GCSH: variants seen among roughly 807,000 people sequenced by gnomAD.
GCSH encodes the protein glycine cleavage system H protein, mitochondrial.
In GCSH, 15 loss-of-function variants were observed where a neutral mutation model predicts 21.3. The observed-to-expected ratio is 0.70, with a 90% CI of 0.47 to 1.08. The LOEUF is 1.08. Among genes scored for constraint, GCSH ranks in the 50% least tolerant of loss-of-function variants. GCSH has a pLI of 0.00. For missense variants in GCSH, 179 were observed against 217.5 expected, an observed-to-expected ratio of 0.82 and a Z score of 1.11; for synonymous variants, 59 against 84.5, an observed-to-expected ratio of 0.70 and a Z score of 1.66.
chr16:81,094,844 C>CT (rs1259938469), intron 1 of GCSH, among the ~76,000 whole-genome samples: 2 of 152,192 alleles, frequency 1.3e-5, no homozygotes, highest in African/African-American at 4.8e-5. Context: ...CGACTGTAAT[C>CT]TCAGCACTTT....
At chr16:81,091,142 T>A (rs1161031122) in intron 1 of GCSH, 1 of 448,856 alleles carries the variant, frequency 2.2e-6, no homozygotes, top group South Asian at 1.6e-5. Flanking sequence ...ATCAGGTGCC[T>A]CTTTAGGCAG....
chr16:81,088,173 C>T (rs1033913221), intron 2 of GCSH, among the ~76,000 whole-genome samples: 1 of 152,108 alleles, frequency 6.6e-6, no homozygotes, highest in African/African-American at 2.4e-5. Flanking sequence ...CCTGTAATCC[C>T]AGCTCTTAGG....
At chr16:81,087,332 C>T (rs148222869) in intron 3 of GCSH, among the ~76,000 whole-genome samples, 1 of 152,204 alleles carries the variant, frequency 6.6e-6, no homozygotes, top group Non-Finnish European at 1.5e-5. Flanking sequence ...TCGAGACCAG[C>T]CTTGCCAACA....
intron 1 of GCSH, among the ~76,000 whole-genome samples, chr16:81,095,734 G>A (rs1041578611): frequency 9.9e-5 from 15 of 152,154 alleles, no homozygotes; most frequent in African/African-American, 3.6e-4. Flanking sequence ...GTAAACTAAA[G>A]GCCTCCCCAT....
intron 3 of GCSH, among the ~76,000 whole-genome samples, 200 bp downstream of exon 3, chr16:81,087,401 G>C (rs1369249438): frequency 6.6e-6 from 1 of 151,570 alleles, no homozygotes; most frequent in African/African-American, 2.4e-5. Flanking sequence ...ACGTGCCTGA[G>C]ACACAAGAAT....
At chr16:81,085,090 C>T (rs1373369159) in intron 3 of GCSH, among the ~76,000 whole-genome samples, 1 of 142,628 alleles carries the variant, frequency 7.0e-6, no homozygotes, top group Non-Finnish European at 1.5e-5. Flanking sequence ...TCTAGGCTCA[C>T]TGCCACCTCT....
At chr16:81,088,530 C>G (rs1281186395) in intron 2 of GCSH, among the ~76,000 whole-genome samples, 2 of 152,152 alleles carry the variant, frequency 1.3e-5, no homozygotes, top group Non-Finnish European at 2.9e-5. Flanking sequence ...TCCCAAGTAG[C>G]TGGGATTACA....
At chr16:81,096,029 T>TGGCTCAGGAGCGGTGCCCCGGC in intron 1 of GCSH, 102 bp downstream of exon 1, 1 of 1,001,592 alleles carries the variant, frequency 1.0e-6, no homozygotes, top group Non-Finnish European at 1.3e-6. Context: ...TCCGCCCCGG[T>TGGCTCAGGAGCGGTGCCCCGGC]GGCTCAGGAG....
intron 3 of GCSH, among the ~76,000 whole-genome samples, chr16:81,085,438 T>C (rs1972253570): frequency 6.6e-6 from 1 of 152,136 alleles, no homozygotes. Context: ...TAACAAATGG[T>C]GATGTGCCTG....
At chr16:81,091,878 C>A (rs8177862) in intron 1 of GCSH, among the ~76,000 whole-genome samples, 4,303 of 152,198 alleles carry the variant, frequency 0.028, 122 homozygotes, top group African/African-American at 0.069. Context: ...CTCAACCTCT[C>A]ACAGTGCTGG....
At chr16:81,092,375 TA>T (rs1972414214) in intron 1 of GCSH, among the ~76,000 whole-genome samples, 1 of 152,108 alleles carries the variant, frequency 6.6e-6, no homozygotes, top group Non-Finnish European at 1.5e-5. Flanking sequence ...TTCCCAATTT[TA>T]AATACAGTGC....
rs1972511529 is a variant in GCSH at position 81,096,330 on chromosome 16, G to A, written c.-52C>T. 8 of 1,332,728 alleles carry A rather than the reference G, an allele frequency of 6.0e-6. No homozygotes were observed. Among genetic ancestry groups the A allele is most frequent in the Admixed American group, 8.0e-5 (2 of 24,912 alleles). The allele number at this position is 1,332,728 out of a possible 1,614,324, so 82.6% of individuals were successfully genotyped here. A position where few individuals can be genotyped will look rare whatever the true frequency, so the allele number is the denominator to read the frequency against. Reference sequence around the variant, plus strand: ...GCTACGCCTCGGCCACCCGCGCCGGGAGGCGGGGCGGGGAGGGGCAGTTCG... The same window carrying A: ...GCTACGCCTCGGCCACCCGCGCCGGAAGGCGGGGCGGGGAGGGGCAGTTCG... On this transcript the variant is annotated 5_prime_UTR_variant, in exon 1 of 5. Coordinates refer to ENST00000315467, the MANE Select transcript of GCSH (RefSeq NM_004483.5).
rs757824289 is a variant in GCSH, at chr16:81,082,959, C to G, written c.429G>C (p.Trp143Cys). 2 of 1,578,660 alleles carry G rather than the reference C, an allele frequency of 1.3e-6. No individual in the cohort carries two copies. Among genetic ancestry groups the G allele is most frequent in the South Asian group, 2.2e-5 (2 of 90,366 alleles). ...GGTTACTCAGTGTCATCTTGATCAGCCAACCTGCAACCAAAAGACAACCTT... is the reference window on the plus strand; with the variant it reads ...GGTTACTCAGTGTCATCTTGATCAGGCAACCTGCAACCAAAAGACAACCTT... Reference protein sequence around the residue: ...LVNKSCYEDGWLIKMTLSNPS... With the variant: ...LVNKSCYEDGCLIKMTLSNPS... The change falls in exon 5 of 5, where the codon TGG becomes TGC. Residue 143 changes from tryptophan to cysteine, a missense_variant. Transcript: ENST00000315467.
At chr16:81,083,310 G>C (rs1972207653) in intron 4 of GCSH, 3 of 317,768 alleles carry the variant, frequency 9.4e-6, no homozygotes, top group African/African-American at 2.2e-5. Context: ...TTGAGGCTAG[G>C]AGCTCTAGAC....
At chr16:81,084,723 T>G (rs1254905148) in intron 3 of GCSH, 129 bp from the exon 4 acceptor site, 2 of 742,598 alleles carry the variant, frequency 2.7e-6, no homozygotes, top group Admixed American at 5.3e-5. Flanking sequence ...TTTTTTTTTT[T>G]TTTTGAGATG....
intron 1 of GCSH, among the ~76,000 whole-genome samples, chr16:81,095,714 G>A (rs1972491758): frequency 6.6e-6 from 1 of 151,952 alleles, no homozygotes; most frequent in Non-Finnish European, 1.5e-5. Context: ...TCTCAGTAAC[G>A]GTCCATTTAG....
intron 1 of GCSH, among the ~76,000 whole-genome samples, chr16:81,092,750 AC>A (rs1430676049): frequency 0.028 from 4,297 of 151,530 alleles, 177 homozygotes; most frequent in African/African-American, 0.093. Flanking sequence ...CTCAAAAAAA[AC>A]AAACAAAAAA....
chr16:81,087,583 G>C lies in GCSH; in HGVS notation c.292+18C>G. 3.9e-6 allele frequency: 6 copies of C among 1,538,768 alleles called. No homozygotes were observed. Among genetic ancestry groups the C allele is most frequent in the Non-Finnish European group, 4.5e-6 (5 of 1,113,196 alleles). Reference sequence around the variant, plus strand: ...AAATTCATGGCATGGATCATTCTAAGATCCTAAGAACACTCACCTTGTTTG... The same window carrying C: ...AAATTCATGGCATGGATCATTCTAACATCCTAAGAACACTCACCTTGTTTG... On this transcript the variant is annotated intron_variant, in intron 3 of 4. Transcript: ENST00000315467.
intron 1 of GCSH, among the ~76,000 whole-genome samples, chr16:81,095,809 A>C (rs1408565676): frequency 1.3e-5 from 2 of 151,794 alleles, no homozygotes; most frequent in Non-Finnish European, 2.9e-5. Flanking sequence ...CTTAAGCGAC[A>C]CGTGCCTGGC....
Sources: allele counts gnomAD v4.1 joint callset (sites outside exome capture counted in the v4.1 genomes callset), GRCh38; gene constraint gnomAD v4.1.1; transcripts MANE v1.5; gene names NCBI Gene and HGNC (gene_info 2026-07-23, HGNC 2026-07-21).